Variants in IL1RAPL1 observed in about 807,000 individuals in gnomAD.
The protein encoded by IL1RAPL1 is interleukin-1 receptor accessory protein-like 1.
Under a neutral mutation model 48.4 loss-of-function variants are expected in IL1RAPL1, and 3 were observed. The ratio of observed to expected loss-of-function variants is 0.06; its 90% CI spans 0.03 to 0.16. IL1RAPL1 has a LOEUF of 0.16. IL1RAPL1 is among the 10% of genes least tolerant of loss of function. The pLI is 1.00. For missense variants in IL1RAPL1, 349 were observed against 530.6 expected (o/e 0.66, Z 3.36); for synonymous variants, 185 against 187.7 (o/e 0.99, Z 0.12).
At chrX:29,553,395 C>A (rs1921883721) in intron 5 of IL1RAPL1, among the ~76,000 whole-genome samples, 1 of 111,579 alleles carries the variant, frequency 9.0e-6, no homozygotes, top group Non-Finnish European at 1.9e-5. Flanking sequence ...ACTTTTGGTT[C>A]TTTCAGCTGT....
chrX:28,935,139 T>G (rs776261693), intron 2 of IL1RAPL1, among the ~76,000 whole-genome samples: 2 of 111,831 alleles, frequency 1.8e-5, no homozygotes, highest in East Asian at 2.8e-4. Flanking sequence ...TTATAAAGTC[T>G]ACTTTATTTT....
intron 2 of IL1RAPL1, among the ~76,000 whole-genome samples, chrX:29,259,134 T>A (rs926595169): frequency 8.9e-6 from 1 of 111,858 alleles, no homozygotes; most frequent in Non-Finnish European, 1.9e-5. Context: ...GGGTTTATGG[T>A]GTAAGCCTTT....
intron 5 of IL1RAPL1, among the ~76,000 whole-genome samples, chrX:29,466,114 T>A (rs780259409): frequency 3.6e-5 from 4 of 112,617 alleles, no homozygotes; most frequent in East Asian, 2.8e-4. Context: ...TAAGTTTTTT[T>A]AATTTAAAAT....
rs758918670 is a variant in IL1RAPL1 at position 29,282,906 on chromosome X, C to T, written c.83-32C>T. 5.0e-6 allele frequency: 6 copies of T among 1,199,099 alleles called. No homozygotes were observed. The African/African-American group carries it at 7.0e-5, about 14-fold the overall frequency. ...TATTTTTTTTGCCTCTAATGTTTTT[C>T]CTCTCTTTCTCTGTCTCTTTTTTTA... On this transcript the variant is annotated intron_variant, in intron 2 of 10. Transcript: ENST00000378993.
intron 2 of IL1RAPL1, among the ~76,000 whole-genome samples, chrX:28,904,911 C>G (rs997136026): frequency 2.7e-5 from 3 of 111,660 alleles, no homozygotes; most frequent in African/African-American, 9.7e-5. Context: ...TAAGTAAAAT[C>G]ATATATCGTA....
intron 2 of IL1RAPL1, among the ~76,000 whole-genome samples, chrX:29,238,714 T>C (rs1387036608): frequency 8.9e-6 from 1 of 111,941 alleles, no homozygotes; most frequent in African/African-American, 3.2e-5. Context: ...AGGACAGAAA[T>C]ATTATTTTAG....
chrX:28,774,998 T>C (rs2147258707), intron 1 of IL1RAPL1, among the ~76,000 whole-genome samples: 1 of 112,254 alleles, frequency 8.9e-6, no homozygotes, highest in Non-Finnish European at 1.9e-5. Context: ...TGACCTTCCA[T>C]CATTACCTTT....
chrX:29,663,373 G>A (rs1283363428), intron 5 of IL1RAPL1, among the ~76,000 whole-genome samples: 1 of 112,210 alleles, frequency 8.9e-6, no homozygotes, highest in Non-Finnish European at 1.9e-5. Flanking sequence ...ATTTAAATGA[G>A]GTCACCAAAA....
intron 2 of IL1RAPL1, among the ~76,000 whole-genome samples, chrX:28,808,097 C>T (rs1209700933): frequency 1.8e-5 from 2 of 111,064 alleles, no homozygotes; most frequent in African/African-American, 6.5e-5. Flanking sequence ...TCAAATAAAA[C>T]CAGTTTTCCT....
intron 3 of IL1RAPL1, among the ~76,000 whole-genome samples, chrX:29,364,670 C>T (rs1263546870): frequency 1.8e-5 from 2 of 108,659 alleles, no homozygotes; most frequent in Non-Finnish European, 3.8e-5. Flanking sequence ...AACAGTGTAA[C>T]AACTATTTAC....
intron 3 of IL1RAPL1, among the ~76,000 whole-genome samples, chrX:29,298,536 T>C (rs1230183590): frequency 8.9e-6 from 1 of 112,051 alleles, no homozygotes; most frequent in Non-Finnish European, 1.9e-5. Flanking sequence ...GAATAGCATT[T>C]CCTCCACCTT....
chrX:28,657,593 C>T (rs1390089916), intron 1 of IL1RAPL1, among the ~76,000 whole-genome samples: 1 of 112,500 alleles, frequency 8.9e-6, no homozygotes, highest in Non-Finnish European at 1.9e-5. Context: ...TTTCAAAGAC[C>T]TTTTCCCTTT....
At chrX:29,391,881 A>G (rs1184072129) in intron 3 of IL1RAPL1, among the ~76,000 whole-genome samples, 3 of 112,044 alleles carry the variant, frequency 2.7e-5, no homozygotes, top group Non-Finnish European at 5.6e-5. Flanking sequence ...CTAATTAGAT[A>G]ATAGAATTCG....
chrX:28,831,016 CTCTCTCTCTCTGTGTGTGTGTGTGTG>C (rs1344860999), intron 2 of IL1RAPL1, among the ~76,000 whole-genome samples: 1 of 64,479 alleles, frequency 1.6e-5, no homozygotes, highest in African/African-American at 7.2e-5. Context: ...CTCTCTCTCT[CTCTCTCTCTCTGTGTGTGTGTGTGTG>C]TGTGTGTGTG....
chrX:29,230,518 A>AC lies in IL1RAPL1; in HGVS notation c.83-52420_83-52419insC, dbSNP rs1306312366. On this transcript the variant is annotated intron_variant, in intron 2 of 10. Transcript: ENST00000378993. ...GGTCCCTTTACCAAAAAAAAAAAAA[A>AC]AAAAAAAAAAAAAAAAACCTTGTTG... Among the ~76,000 whole-genome samples the AC allele has an allele frequency of 1.8e-3, 140 of 78,979 alleles. 2 individuals carry two copies. The highest frequency in any genetic ancestry group is 6.4e-3 in the African/African-American group (117 of 18,384). The allele number at this position is 78,979 out of a possible 115,157, so 68.6% of individuals were successfully genotyped here.
At chrX:29,696,419 T>A (rs1273471307) in intron 6 of IL1RAPL1, among the ~76,000 whole-genome samples, 1 of 112,137 alleles carries the variant, frequency 8.9e-6, no homozygotes, top group African/African-American at 3.2e-5. Context: ...ATTTCACATA[T>A]AACAAACTGT....
chrX:29,216,976 A>C, intron 2 of IL1RAPL1, among the ~76,000 whole-genome samples: 1 of 111,778 alleles, frequency 8.9e-6, no homozygotes, highest in East Asian at 2.8e-4. Context: ...GTAAACAACT[A>C]ACAAGACAGT....
chrX:29,287,920 G>A (rs886909194), intron 3 of IL1RAPL1, among the ~76,000 whole-genome samples: 1 of 111,340 alleles, frequency 9.0e-6, no homozygotes, highest in African/African-American at 3.3e-5. Flanking sequence ...GTTTCAATTT[G>A]TGAATTTTTC....
At chrX:29,732,781 G>A (rs1927953731) in intron 6 of IL1RAPL1, among the ~76,000 whole-genome samples, 1 of 111,749 alleles carries the variant, frequency 8.9e-6, no homozygotes, top group Non-Finnish European at 1.9e-5. Context: ...TCTTAGGATT[G>A]GTTCGTATTT....
Sources: gnomAD v4.1 joint callset for allele counts (sites outside exome capture counted in the v4.1 genomes callset) on GRCh38, gnomAD v4.1.1 for gene constraint, MANE v1.5 for transcripts, NCBI Gene and HGNC (gene_info 2026-07-23, HGNC 2026-07-21) for gene names.